Variants in CTNND2 observed in about 807,000 individuals in gnomAD.
CTNND2 encodes catenin delta-2.
A neutral mutation model predicts 144.4 loss-of-function variants in CTNND2; 22 were observed. The ratio of observed to expected loss-of-function variants is 0.15; its 90% CI spans 0.11 to 0.22. The LOEUF is 0.22. Ranked by LOEUF, CTNND2 falls within the 10% of genes least tolerant of loss-of-function variation. The pLI, the probability that CTNND2 is intolerant of heterozygous loss-of-function variation, is 1.00. For missense variants in CTNND2, 1,353 were observed against 1,618.8 expected (o/e 0.84, Z 2.82); for synonymous variants, 751 against 695.6 (o/e 1.08, Z -1.25).
At chr5:11,408,479 T>C (rs1231073619) in intron 5 of CTNND2, among the ~76,000 whole-genome samples, 1 of 152,164 alleles carries the variant, frequency 6.6e-6, no homozygotes, top group Non-Finnish European at 1.5e-5. Context: ...TTCAGAATCC[T>C]TCCGCATACA....
intron 3 of CTNND2, among the ~76,000 whole-genome samples, chr5:11,444,700 T>TA (rs1321476533): frequency 6.6e-6 from 1 of 152,094 alleles, no homozygotes; most frequent in Non-Finnish European, 1.5e-5. Context: ...AGACTCTGTC[T>TA]AAAAAAATAA....
chr5:11,847,691 T>C (rs1356391826), intron 1 of CTNND2, among the ~76,000 whole-genome samples: 1 of 152,162 alleles, frequency 6.6e-6, no homozygotes, highest in Non-Finnish European at 1.5e-5. Flanking sequence ...TACCCTGCTT[T>C]GTTCATTATA....
chr5:11,803,339 T>C (rs1166711952), intron 1 of CTNND2, among the ~76,000 whole-genome samples: 2 of 123,894 alleles, frequency 1.6e-5, no homozygotes, highest in Non-Finnish European at 3.7e-5. Context: ...GAAAAAAAAA[T>C]ATGCACAAGA....
At chr5:11,578,840 T>C (rs1778182410) in intron 2 of CTNND2, among the ~76,000 whole-genome samples, 1 of 152,242 alleles carries the variant, frequency 6.6e-6, no homozygotes, top group South Asian at 2.1e-4. Flanking sequence ...TTTCCTATTC[T>C]TGATAAGGTA....
At chr5:11,702,794 T>C (rs1277777738) in intron 2 of CTNND2, among the ~76,000 whole-genome samples, 1 of 152,202 alleles carries the variant, frequency 6.6e-6, no homozygotes, top group Non-Finnish European at 1.5e-5. Flanking sequence ...AGCTCCACTT[T>C]GACTGCAATG....
intron 1 of CTNND2, among the ~76,000 whole-genome samples, chr5:11,824,269 A>T (rs895979928): frequency 6.6e-6 from 1 of 152,198 alleles, no homozygotes; most frequent in African/African-American, 2.4e-5. Context: ...TTTTATAAAC[A>T]TCCATAGTAT....
intron 9 of CTNND2, among the ~76,000 whole-genome samples, chr5:11,332,012 A>G (rs1753193292): frequency 6.6e-6 from 1 of 152,158 alleles, no homozygotes; most frequent in African/African-American, 2.4e-5. Flanking sequence ...ATGGTGGCTC[A>G]TGCCTGTAAT....
At chr5:11,692,291 A>T (rs34592508) in intron 2 of CTNND2, among the ~76,000 whole-genome samples, 20,194 of 151,940 alleles carry the variant, frequency 0.13, 4,380 homozygotes, top group African/African-American at 0.46. Flanking sequence ...AAAAAATTTT[A>T]AAAAGTAAAA....
chr5:11,550,698 G>A (rs981231121), intron 3 of CTNND2, among the ~76,000 whole-genome samples: 1 of 152,190 alleles, frequency 6.6e-6, no homozygotes, highest in East Asian at 1.9e-4. Flanking sequence ...TCTGCCTGCT[G>A]CTAACACAGC....
rs187297310 is a variant in CTNND2, at chr5:11,499,416, G to A, written c.287+65528C>T. ...CCAGACAATGGCAGGATTACCATTT[G>A]CCAACTTGTTTCTGGTTTATTTGAA... On this transcript the variant is annotated intron_variant, in intron 3 of 21. Transcript: ENST00000304623. 2.2e-3 allele frequency among the ~76,000 whole-genome samples: 328 copies of A among 152,232 alleles called. 3 individuals are homozygous for A. The highest frequency in any genetic ancestry group is 0.02 in the Middle Eastern group (6 of 294).
chr5:11,269,065 C>A (rs1745741897), intron 9 of CTNND2, among the ~76,000 whole-genome samples: 1 of 152,210 alleles, frequency 6.6e-6, no homozygotes, highest in Admixed American at 6.5e-5. Flanking sequence ...CCTCTGGAGG[C>A]TACCTGCCTT....
At chr5:11,685,932 C>T (rs1339885174) in intron 2 of CTNND2, among the ~76,000 whole-genome samples, 2 of 152,242 alleles carry the variant, frequency 1.3e-5, no homozygotes, top group Non-Finnish European at 2.9e-5. Flanking sequence ...AGGCCTGGCA[C>T]AGTGGCTTAT....
At chr5:11,888,368 C>T (rs1006753394) in intron 1 of CTNND2, among the ~76,000 whole-genome samples, 9 of 152,158 alleles carry the variant, frequency 5.9e-5, no homozygotes, top group African/African-American at 9.7e-5. Flanking sequence ...GCACCCCATT[C>T]CCCAGGGCCA....
At chr5:11,798,463 A>G (rs546238693) in intron 1 of CTNND2, among the ~76,000 whole-genome samples, 2 of 152,116 alleles carry the variant, frequency 1.3e-5, no homozygotes, top group South Asian at 4.1e-4. Flanking sequence ...TTTTAATGTC[A>G]TTTTCTACAA....
intron 7 of CTNND2, among the ~76,000 whole-genome samples, chr5:11,370,439 C>A (rs1412897197): frequency 6.6e-6 from 1 of 152,110 alleles, no homozygotes; most frequent in Non-Finnish European, 1.5e-5. Context: ...AGGAGATGGG[C>A]ATATTTATTT....
chr5:11,664,854 G>T (rs1490977504), intron 2 of CTNND2, among the ~76,000 whole-genome samples: 1 of 152,164 alleles, frequency 6.6e-6, no homozygotes, highest in African/African-American at 2.4e-5. Flanking sequence ...AATGAAGTAT[G>T]AAGTCCTCTT....
chr5:11,857,707 G>A (rs1289309827), intron 1 of CTNND2, among the ~76,000 whole-genome samples: 2 of 152,152 alleles, frequency 1.3e-5, no homozygotes, highest in Non-Finnish European at 2.9e-5. Flanking sequence ...CTACAAATGT[G>A]CATATTGGAT....
At chr5:11,334,578 C>T (rs1311484353) in intron 9 of CTNND2, among the ~76,000 whole-genome samples, 3 of 152,204 alleles carry the variant, frequency 2.0e-5, no homozygotes, top group East Asian at 3.9e-4. Context: ...ACGCCCTCTG[C>T]CGGCATCTCA....
At chr5:11,569,595 C>G (rs757948980) in intron 2 of CTNND2, among the ~76,000 whole-genome samples, 4 of 152,114 alleles carry the variant, frequency 2.6e-5, no homozygotes, top group Non-Finnish European at 5.9e-5. Flanking sequence ...AAACTGAAAT[C>G]AGAAAACTCA....
Sources: allele counts gnomAD v4.1 joint callset (sites outside exome capture counted in the v4.1 genomes callset), GRCh38; gene constraint gnomAD v4.1.1; transcripts MANE v1.5; gene names NCBI Gene and HGNC (gene_info 2026-07-23, HGNC 2026-07-21).